The following DYM variants were observed in gnomAD, a reference collection of about 807,000 sequenced individuals.
DYM encodes dyggve-Melchior-Clausen syndrome protein.
A neutral mutation model predicts 93.1 loss-of-function variants in DYM; 78 were observed. The ratio of observed to expected loss-of-function variants is 0.84; its 90% CI spans 0.70 to 1.01. DYM has a LOEUF of 1.01. Among genes scored for constraint, DYM ranks in the 50% least tolerant of loss-of-function variants. The pLI is 0.00. For missense variants in DYM, 789 were observed against 845.0 expected, an observed-to-expected ratio of 0.93 and a Z score of 0.82; for synonymous variants, 321 against 319.7, an observed-to-expected ratio of 1.00 and a Z score of -0.04.
intron 17 of DYM, among the ~76,000 whole-genome samples, chr18:49,090,429 GATAAAA>G (rs1053389521): frequency 2.0e-5 from 3 of 152,284 alleles, no homozygotes; most frequent in South Asian, 2.1e-4. Flanking sequence ...AGTCTAAAGT[GATAAAA>G]ATAAAAACAG....
At chr18:49,046,123 C>T (rs898447339) in intron 17 of DYM, among the ~76,000 whole-genome samples, 1 of 151,362 alleles carries the variant, frequency 6.6e-6, no homozygotes, top group African/African-American at 2.4e-5. Context: ...TCCCCAAATA[C>T]ACACCACTCA....
At chr18:49,380,772 A>AGC (rs1250223862) in intron 3 of DYM, among the ~76,000 whole-genome samples, 1 of 152,236 alleles carries the variant, frequency 6.6e-6, no homozygotes, top group East Asian at 1.9e-4. Context: ...AGAAAGGCTA[A>AGC]GCGCTGAGCT....
intron 2 of DYM, among the ~76,000 whole-genome samples, 189 bp downstream of exon 2, chr18:49,430,066 G>A (rs1194411340): frequency 6.6e-6 from 1 of 152,162 alleles, no homozygotes; most frequent in East Asian, 1.9e-4. Flanking sequence ...GAAGGGAGGT[G>A]GCTACTGAGT....
At chr18:49,269,318 G>C (rs1317963564) in intron 11 of DYM, among the ~76,000 whole-genome samples, 1 of 152,228 alleles carries the variant, frequency 6.6e-6, no homozygotes, top group South Asian at 2.1e-4. Context: ...TAACAAGTAC[G>C]GGAGGGGATG....
intron 6 of DYM, among the ~76,000 whole-genome samples, chr18:49,344,730 C>T (rs1025526523): frequency 7.3e-5 from 11 of 151,366 alleles, no homozygotes; most frequent in African/African-American, 2.7e-4. Context: ...TGAATCCATA[C>T]CACAGACTCT....
chr18:49,330,273 C>G (rs928355565), intron 8 of DYM, among the ~76,000 whole-genome samples: 2 of 152,008 alleles, frequency 1.3e-5, no homozygotes, highest in South Asian at 4.1e-4. Flanking sequence ...ATGCACTTAA[C>G]TGAATATTAA....
chr18:49,313,769 C>T (rs772141458), intron 8 of DYM, among the ~76,000 whole-genome samples: 1 of 152,114 alleles, frequency 6.6e-6, no homozygotes, highest in African/African-American at 2.4e-5. Flanking sequence ...GGATCTGGAT[C>T]GGGACCCCTT....
chr18:49,362,217 G>A (rs1219512393), intron 6 of DYM, among the ~76,000 whole-genome samples: 1 of 151,962 alleles, frequency 6.6e-6, no homozygotes, highest in Non-Finnish European at 1.5e-5. Context: ...AACAAATGAG[G>A]CCAGGCACGG....
At chr18:49,356,316 A>C (rs2065559372) in intron 6 of DYM, among the ~76,000 whole-genome samples, 1 of 152,226 alleles carries the variant, frequency 6.6e-6, no homozygotes. Flanking sequence ...CTCTGAAGGC[A>C]CCAGACATCA....
chr18:49,179,951 T>G (rs184321729), intron 14 of DYM, among the ~76,000 whole-genome samples: 2 of 152,280 alleles, frequency 1.3e-5, no homozygotes, highest in African/African-American at 4.8e-5. Flanking sequence ...GGGTTAATAT[T>G]TTCCTTACTT....
At chr18:49,097,197 A>G (rs909862439) in intron 17 of DYM, 5 of 611,788 alleles carry the variant, frequency 8.2e-6, no homozygotes, top group African/African-American at 5.6e-5. Context: ...AGTGCATGCC[A>G]TGGCTACTTG....
intron 16 of DYM, chr18:49,114,361 A>G (rs572618513): frequency 6.0e-6 from 1 of 165,390 alleles, no homozygotes; most frequent in East Asian, 1.9e-4. Context: ...TCAAATGTTT[A>G]GCCTGAGAAT....
At position 49,440,010 on chromosome 18, in the gene DYM, CAATAAATAAATAAATAAATA is replaced by C. The variant is rs144960380; in HGVS notation, c.-53-9583_-53-9564del. The stretch of plus-strand genomic sequence containing the variant: ...GGGCAACAGAGGGAGACTCTGTCAC[CAATAAATAAATAAATAAATA>C]AATAAATAAATAAATAAATAAATAA... On this transcript the variant is annotated intron_variant, in intron 1 of 17. Transcript: ENST00000675505. Among the ~76,000 whole-genome samples, 75 of 132,214 alleles carry C rather than the reference CAATAAATAAATAAATAAATA, an allele frequency of 5.7e-4. 2 individuals carry two copies. In the South Asian group the frequency reaches 0.014, roughly 25 times the overall value. 86.7% of individuals were successfully genotyped at this position (132,214 alleles called of 152,430 possible).
intron 17 of DYM, among the ~76,000 whole-genome samples, chr18:49,076,933 C>T (rs551520875): frequency 1.1e-3 from 173 of 152,266 alleles, no homozygotes; most frequent in South Asian, 1.9e-3. Context: ...ACTCTTTAAA[C>T]GCTCTAACCA....
At chr18:49,425,015 A>C (rs528914537) in intron 2 of DYM, among the ~76,000 whole-genome samples, 158 of 152,286 alleles carry the variant, frequency 1.0e-3, no homozygotes, top group African/African-American at 3.6e-3. Flanking sequence ...GCTACCGATG[A>C]CTTTCTTTAC....
chr18:49,240,284 T>C (rs1252491331), intron 13 of DYM, among the ~76,000 whole-genome samples: 1 of 152,164 alleles, frequency 6.6e-6, no homozygotes, highest in African/African-American at 2.4e-5. Flanking sequence ...AGGGCCCCTT[T>C]CAACTCTTAA....
chr18:49,097,298 T>C (rs576581492), intron 17 of DYM, 104 bp downstream of exon 17: 4 of 1,013,728 alleles, frequency 3.9e-6, no homozygotes, highest in African/African-American at 3.1e-5. Context: ...TTCTAGTCTA[T>C]GTACTGGATA....
chr18:49,046,390 A>C (rs1236024394), intron 17 of DYM, among the ~76,000 whole-genome samples: 2 of 150,970 alleles, frequency 1.3e-5, no homozygotes, highest in Admixed American at 1.3e-4. Context: ...ACACACACAC[A>C]CCACAGACAA....
At chr18:49,305,876 ACCACC>A (rs2061242504) in intron 8 of DYM, among the ~76,000 whole-genome samples, 1 of 152,172 alleles carries the variant, frequency 6.6e-6, no homozygotes, top group Non-Finnish European at 1.5e-5. Context: ...TGACAAAGTA[ACCACC>A]AAGCTCCATT....
Sources: gnomAD v4.1 joint callset for allele counts (sites outside exome capture counted in the v4.1 genomes callset) on GRCh38, gnomAD v4.1.1 for gene constraint, MANE v1.5 for transcripts, NCBI Gene and HGNC (gene_info 2026-07-23, HGNC 2026-07-21) for gene names.